Variants in DCPS observed in about 807,000 individuals in gnomAD.
DCPS encodes decapping enzyme, scavenger.
A neutral mutation model predicts 34.7 loss-of-function variants in DCPS; 27 were observed. The observed-to-expected ratio is 0.78, with a 90% confidence interval of 0.57 to 1.07. The LOEUF is 1.07. Ranked by LOEUF, DCPS falls within the 50% of genes least tolerant of loss-of-function variation. DCPS has a pLI of 0.00. For synonymous variants in DCPS, 185 were observed against 185.7 expected (o/e 1.00, Z 0.03); for missense variants, 464 against 436.9 (o/e 1.06, Z -0.55).
rs1392141434 is a variant in DCPS at position 126,345,678 on chromosome 11, T to C, written c.*65T>C. 2 of 1,564,704 alleles carry C rather than the reference T, an allele frequency of 1.3e-6. No individual in the cohort carries two copies. Among genetic ancestry groups the C allele is most frequent in the Non-Finnish European group, 1.7e-6 (2 of 1,158,476 alleles). ...GGAGGAGTGGGGACAAGATTTTTTATCTCCAAGTGAATTTTCTAAAAATGT... is the reference window on the plus strand; with the variant it reads ...GGAGGAGTGGGGACAAGATTTTTTACCTCCAAGTGAATTTTCTAAAAATGT... On this transcript the variant is annotated 3_prime_UTR_variant, in exon 6 of 6. Coordinates refer to ENST00000263579, the MANE Select transcript of DCPS (RefSeq NM_014026.6). This position sits in a 1 kb window ranked among gnomAD's most constrained non-coding sequence, Gnocchi z 7.4.
In DCPS at chr11:126,304,208, C is replaced by G. The variant is rs1369370344; in HGVS notation, c.128C>G (p.Pro43Arg). The stretch of plus-strand genomic sequence containing the variant: ...GGTACCTGTGCTCCTGTCCGCTTAC[C>G]GTTCTCCGGCTTCAGACTGCAGAAG... Reference protein sequence around the residue: ...GNGTCAPVRLPFSGFRLQKVL... With the variant: ...GNGTCAPVRLRFSGFRLQKVL... The change falls in exon 1 of 6, where the codon CCG (proline) becomes CGG (arginine). Residue 43 changes from proline to arginine, a missense_variant. Transcript: ENST00000263579. The G allele has an allele frequency of 6.2e-7, 1 of 1,614,150 alleles. No individual in the cohort carries two copies. Among genetic ancestry groups the G allele is most frequent in the Non-Finnish European group, 8.5e-7 (1 of 1,180,052 alleles).
chr11:126,329,694 C>T lies in DCPS; in HGVS notation c.377-1711C>T, dbSNP rs558834796. On this transcript the variant is annotated intron_variant, in intron 2 of 5. Coordinates refer to ENST00000263579, the MANE Select transcript of DCPS (RefSeq NM_014026.6). The surrounding 1 kb of genome is among the most constrained non-coding windows in gnomAD (Gnocchi z 5.0). ...CCAGGTTCGCCTCTGCCACGTTTCA[C>T]GGTGTGATACTGGATGACTCTTTTG... 2.6e-5 allele frequency among the ~76,000 whole-genome samples: 4 copies of T among 152,328 alleles called. No homozygotes were observed. The highest frequency in any genetic ancestry group is 6.5e-5 in the Admixed American group (1 of 15,306).
Position 126,342,942 on chromosome 11 carries a change from C to T in DCPS, c.637-365C>T, listed in dbSNP as rs1420066674. Among the ~76,000 whole-genome samples the T allele has an allele frequency of 6.6e-6, 1 of 151,956 alleles. No homozygotes were observed. Among genetic ancestry groups the T allele is most frequent in the African/African-American group, 2.4e-5 (1 of 41,372 alleles). On this transcript the variant is annotated intron_variant, in intron 4 of 5. Coordinates refer to ENST00000263579, the MANE Select transcript of DCPS (RefSeq NM_014026.6). The surrounding 1 kb of genome is among the most constrained non-coding windows in gnomAD (Gnocchi z 4.4). ...AAAATATAAAGAGCATGGTGGCACG[C>T]ACCTGTAGTCCCAGCTACTTGGGAG...
rs1358870267 is a variant in DCPS, at chr11:126,312,889, TTTC to T, written c.376+6152_376+6154del. On this transcript the variant is annotated intron_variant, in intron 2 of 5. Transcript: ENST00000263579. The surrounding 1 kb of genome is among the most constrained non-coding windows in gnomAD (Gnocchi z 5.1). Reference sequence around the variant, plus strand: ...TGGCTCTGCCCATGGGTAGGTTTCCTTTCTTCTTCCTGTTGCTGTGTGGCACAT... The same window carrying T: ...TGGCTCTGCCCATGGGTAGGTTTCCTTTCTTCCTGTTGCTGTGTGGCACAT... 6.6e-6 allele frequency among the ~76,000 whole-genome samples: 1 copy of T among 152,212 alleles called. No homozygotes were observed. The highest frequency in any genetic ancestry group is 1.5e-5 in the Non-Finnish European group (1 of 68,036).
chr11:126,340,388 C>A (rs1294443944), intron 4 of DCPS, among the ~76,000 whole-genome samples: 1 of 151,510 alleles, frequency 6.6e-6, no homozygotes, highest in East Asian at 1.9e-4. Flanking sequence ...GTGGTGTGAT[C>A]TCAGCTCACT....
At position 126,336,820 on chromosome 11, in the gene DCPS, G is replaced by A. The variant is rs1445193124; in HGVS notation, c.523-1466G>A. The A allele has an allele frequency of 2.0e-5, 3 of 152,374 alleles. No homozygotes were observed. The highest frequency in any genetic ancestry group is 4.8e-5 in the African/African-American group (2 of 41,456). 9.4% of individuals were successfully genotyped at this position (152,374 alleles called of 1,614,324 possible). On this transcript the variant is annotated intron_variant, in intron 3 of 5. Coordinates refer to ENST00000263579, the MANE Select transcript of DCPS (RefSeq NM_014026.6). This position sits in a 1 kb window ranked among gnomAD's most constrained non-coding sequence, Gnocchi z 6.3. The stretch of plus-strand genomic sequence containing the variant: ...TCCTCCAGACCCCTCCCAGGAAGGG[G>A]CCTCATTCGGTTTCTTGGGAACTGC...
rs767865697 is a variant in DCPS at position 126,335,482 on chromosome 11, G to A, written c.523-2804G>A. 2.6e-5 allele frequency among the ~76,000 whole-genome samples: 4 copies of A among 152,132 alleles called. No individual in the cohort carries two copies. The highest frequency in any genetic ancestry group is 4.8e-5 in the African/African-American group (2 of 41,404). On this transcript the variant is annotated intron_variant, in intron 3 of 5. Transcript: ENST00000263579. This position sits in a 1 kb window ranked among gnomAD's most constrained non-coding sequence, Gnocchi z 4.8. ...TGGGCCCCTGGCCTGGAGGCTTCCCGTGGATGCAGCTCCCTGCCACTGTCC... is the reference window on the plus strand; with the variant it reads ...TGGGCCCCTGGCCTGGAGGCTTCCCATGGATGCAGCTCCCTGCCACTGTCC...
rs1200564269 is a variant in DCPS at position 126,306,836 on chromosome 11, T to A, written c.376+92T>A. On this transcript the variant is annotated intron_variant, in intron 2 of 5. Transcript: ENST00000263579. The stretch of plus-strand genomic sequence containing the variant: ...GGTGACCAGACTCTCTATACCCGAT[T>A]TGCATATTCTAGTACAATAGGGAGA... 9 of 1,414,712 alleles carry A rather than the reference T, an allele frequency of 6.4e-6. No individual in the cohort carries two copies. The East Asian group carries it at 1.7e-4, about 26-fold the overall frequency. 87.6% of individuals were successfully genotyped at this position (1,414,712 alleles called of 1,614,324 possible).
rs190040222 is a variant in DCPS at position 126,345,170 on chromosome 11, T to C, written c.748-177T>C. 6.6e-5 allele frequency among the ~76,000 whole-genome samples: 10 copies of C among 152,324 alleles called. 1 individual carries two copies. The highest frequency in any genetic ancestry group is 6.5e-4 in the Admixed American group (10 of 15,302). On this transcript the variant is annotated intron_variant, in intron 5 of 5. Transcript: ENST00000263579. This position sits in a 1 kb window ranked among gnomAD's most constrained non-coding sequence, Gnocchi z 7.4. The stretch of plus-strand genomic sequence containing the variant: ...CTGTCACCTGCACTTGTGGATTTCC[T>C]AGACTAGAAGACAGAGGAAGCTGAA...
At position 126,319,920 on chromosome 11, in the gene DCPS, T is replaced by C. The variant is rs145877996; in HGVS notation, c.377-11485T>C. ...AAGGGGTAGCTTCCTTTTAACGTAT[T>C]TGTTACACAAGTGATATGTAAATAT... On this transcript the variant is annotated intron_variant, in intron 2 of 5. Coordinates refer to ENST00000263579, the MANE Select transcript of DCPS (RefSeq NM_014026.6). This position sits in a 1 kb window ranked among gnomAD's most constrained non-coding sequence, Gnocchi z 4.5. Among the ~76,000 whole-genome samples, 196 of 152,332 alleles carry C rather than the reference T, an allele frequency of 1.3e-3. No homozygotes were observed. The highest frequency in any genetic ancestry group is 4.6e-3 in the African/African-American group (191 of 41,568).
At position 126,343,440 on chromosome 11, in the gene DCPS, G is replaced by A. The variant is rs746679704; in HGVS notation, c.747+23G>A. ...CAGGTGAGTGGCTTCACCAAACCAC[G>A]TGGAAGCTCAGAGAAATTAGACTCA... On this transcript the variant is annotated intron_variant, in intron 5 of 5. Coordinates refer to ENST00000263579, the MANE Select transcript of DCPS (RefSeq NM_014026.6). 1.8e-5 allele frequency: 28 copies of A among 1,577,624 alleles called. No homozygotes were observed. The East Asian group carries it at 2.7e-4, about 15-fold the overall frequency.
rs1251910896 is a variant in DCPS, at chr11:126,332,397, T to C, written c.522+847T>C. Among the ~76,000 whole-genome samples the C allele has an allele frequency of 6.6e-6, 1 of 152,246 alleles. No homozygotes were observed. Among genetic ancestry groups the C allele is most frequent in the Non-Finnish European group, 1.5e-5 (1 of 68,044 alleles). ...GTTAAATATGACTGATGCTTATTGA[T>C]GAGTCAGTTTCTTGCCCACTCACTG... On this transcript the variant is annotated intron_variant, in intron 3 of 5. Transcript: ENST00000263579. The surrounding 1 kb of genome is among the most constrained non-coding windows in gnomAD (Gnocchi z 5.4).
intron 2 of DCPS, among the ~76,000 whole-genome samples, chr11:126,318,924 C>G (rs1951682923): frequency 2.0e-5 from 3 of 152,208 alleles, no homozygotes; most frequent in African/African-American, 7.2e-5. Context: ...CTAGCTTTGG[C>G]AGGGAGCAGA....
In DCPS at chr11:126,342,383, C is replaced by G. The variant is rs567342977; in HGVS notation, c.637-924C>G. ...CCCTGGTGTTGTGTGTGCTGCTGAGCTGGCCCTTGGCTCCCTTCTCAGCCT... is the reference window on the plus strand; with the variant it reads ...CCCTGGTGTTGTGTGTGCTGCTGAGGTGGCCCTTGGCTCCCTTCTCAGCCT... On this transcript the variant is annotated intron_variant, in intron 4 of 5. Coordinates refer to ENST00000263579, the MANE Select transcript of DCPS (RefSeq NM_014026.6). The surrounding 1 kb of genome is among the most constrained non-coding windows in gnomAD (Gnocchi z 4.4). The G allele has an allele frequency of 6.6e-6, 1 of 152,626 alleles. No homozygotes were observed. Among genetic ancestry groups the G allele is most frequent in the African/African-American group, 2.4e-5 (1 of 41,580 alleles). The allele number at this position is 152,626 out of a possible 1,614,324, so 9.5% of individuals were successfully genotyped here. A position where few individuals can be genotyped will look rare whatever the true frequency, so the allele number is the denominator to read the frequency against.
In DCPS at chr11:126,347,547, A is replaced by G. The variant is rs1013533531; in HGVS notation, c.*1934A>G. 6.6e-6 allele frequency among the ~76,000 whole-genome samples: 1 copy of G among 152,170 alleles called. No homozygotes were observed. Among genetic ancestry groups the G allele is most frequent in the Non-Finnish European group, 1.5e-5 (1 of 68,030 alleles). Reference sequence around the variant, plus strand: ...CCCCTGCAATACGTCAACAGTCCCTAGATTCAGGCAACATGGAGTTGCAGC... The same window carrying G: ...CCCCTGCAATACGTCAACAGTCCCTGGATTCAGGCAACATGGAGTTGCAGC... On this transcript the variant is annotated 3_prime_UTR_variant, in exon 6 of 6. Transcript: ENST00000263579. This position sits in a 1 kb window ranked among gnomAD's most constrained non-coding sequence, Gnocchi z 4.2.
At chr11:126,306,494 G>C (rs1951567009) in intron 1 of DCPS, 76 bp from the exon 2 acceptor site, 8 of 1,422,640 alleles carry the variant, frequency 5.6e-6, no homozygotes, top group Non-Finnish European at 7.5e-6. Flanking sequence ...CAAAGGCCCT[G>C]GGAGCTTCTG....
rs181589647 is a variant in DCPS, at chr11:126,327,518, C to T, written c.377-3887C>T. On this transcript the variant is annotated intron_variant, in intron 2 of 5. Coordinates refer to ENST00000263579, the MANE Select transcript of DCPS (RefSeq NM_014026.6). The surrounding 1 kb of genome is among the most constrained non-coding windows in gnomAD (Gnocchi z 4.1). ...TATTTTTGAGACTGTGCCTGTGTAT[C>T]GTGTTTCCCAACGTGTTTTCACCTG... 3.3e-5 allele frequency among the ~76,000 whole-genome samples: 5 copies of T among 152,284 alleles called. No individual in the cohort carries two copies. In the East Asian group the frequency reaches 7.7e-4, roughly 24 times the overall value.
intron 1 of DCPS, 98 bp from the exon 2 acceptor site, chr11:126,306,471 AG>A: frequency 7.7e-7 from 1 of 1,293,240 alleles, no homozygotes; most frequent in Non-Finnish European, 1.0e-6. Flanking sequence ...GGAAATCCCA[AG>A]TATTGGGAAT....
In DCPS at chr11:126,338,527, C is replaced by T. The variant is rs1951852982; in HGVS notation, c.636+128C>T. On this transcript the variant is annotated intron_variant, in intron 4 of 5. Coordinates refer to ENST00000263579, the MANE Select transcript of DCPS (RefSeq NM_014026.6). This position sits in a 1 kb window ranked among gnomAD's most constrained non-coding sequence, Gnocchi z 5.4. Reference sequence around the variant, plus strand: ...TTATAATTAACCAACAAGGGTTGGCCTGAGCTCTCTGTGGGGACTGGGTGG... The same window carrying T: ...TTATAATTAACCAACAAGGGTTGGCTTGAGCTCTCTGTGGGGACTGGGTGG... 3.6e-6 allele frequency: 3 copies of T among 837,436 alleles called. No individual in the cohort carries two copies. The highest frequency in any genetic ancestry group is 4.3e-5 in the Admixed American group (2 of 46,824). 51.9% of individuals were successfully genotyped at this position (837,436 alleles called of 1,614,324 possible).
Sources: gnomAD v4.1 joint callset for allele counts (sites outside exome capture counted in the v4.1 genomes callset) on GRCh38, gnomAD v4.1.1 for gene constraint, Gnocchi (gnomAD v3.1) non-coding constraint, MANE v1.5 for transcripts, NCBI Gene and HGNC (gene_info 2026-07-23, HGNC 2026-07-21) for gene names.